Variants in CACNA1E observed in about 807,000 individuals in gnomAD.
CACNA1E encodes voltage-dependent R-type calcium channel subunit alpha-1E.
Under a neutral mutation model 259.2 loss-of-function variants are expected in CACNA1E, and 40 were observed. That is an observed-to-expected ratio of 0.15 (90% CI 0.12 to 0.20). CACNA1E has a LOEUF of 0.20. Ranked by LOEUF, CACNA1E falls within the 10% of genes least tolerant of loss-of-function variation. The pLI is 1.00. For synonymous variants in CACNA1E, 1,104 were observed against 1,138.5 expected (o/e 0.97, Z 0.61); for missense variants, 1,874 against 3,040.1 (o/e 0.62, Z 9.02).
At chr1:181,755,191 G>T in intron 27 of CACNA1E, 46 bp from the exon 28 acceptor site, 1 of 1,562,800 alleles carries the variant, frequency 6.4e-7, no homozygotes, top group South Asian at 1.2e-5. Context: ...CAAGTATGCA[G>T]ACCATCACAG....
At chr1:181,697,406 G>A (rs1299093909) in intron 7 of CACNA1E, among the ~76,000 whole-genome samples, 1 of 152,156 alleles carries the variant, frequency 6.6e-6, no homozygotes, top group Non-Finnish European at 1.5e-5. Flanking sequence ...GTATTTTGTA[G>A]TTTTGTGAAA....
At chr1:181,702,340 A>G (rs1652351840) in intron 7 of CACNA1E, among the ~76,000 whole-genome samples, 1 of 152,052 alleles carries the variant, frequency 6.6e-6, no homozygotes, top group Non-Finnish European at 1.5e-5. Flanking sequence ...CTCATGAGCT[A>G]TACTTTACCA....
At chr1:181,555,640 A>G (rs536245450) in intron 3 of CACNA1E, among the ~76,000 whole-genome samples, 4 of 152,320 alleles carry the variant, frequency 2.6e-5, no homozygotes, top group South Asian at 4.1e-4. Context: ...TTAGGACTTA[A>G]TGGTGCATAA....
chr1:181,522,153 A>G (rs1435769610), intron 3 of CACNA1E, among the ~76,000 whole-genome samples: 15 of 152,210 alleles, frequency 9.9e-5, no homozygotes, highest in Admixed American at 8.5e-4. Flanking sequence ...TAAAGTCCTC[A>G]GTGTCCCTTT....
At chr1:181,492,784 T>C (rs548996369) in intron 1 of CACNA1E, among the ~76,000 whole-genome samples, 33 of 152,192 alleles carry the variant, frequency 2.2e-4, no homozygotes, top group Non-Finnish European at 4.6e-4. Context: ...CTTTTATGCC[T>C]TGGGCTTATT....
rs777958967 is a variant in CACNA1E, at chr1:181,798,570, C to T, written c.6678C>T (p.Arg2226=). The change falls in exon 48 of 48, where the codon CGC becomes CGT. Residue 2226 remains arginine, a synonymous_variant. Transcript: ENST00000367573. This position sits in a 1 kb window ranked among gnomAD's most constrained non-coding sequence, Gnocchi z 4.2. Reference sequence around the variant, plus strand: ...AGAGCCAACATGCCTCCCCACAGCGCTACATCTCCGAGCCCTACTTGGCCC... The same window carrying T: ...AGAGCCAACATGCCTCCCCACAGCGTTACATCTCCGAGCCCTACTTGGCCC... ...PQQSQHASPQ[R]YISEPYLALH... 6.2e-7 allele frequency: 1 copy of T among 1,613,678 alleles called. No homozygotes were observed. The highest frequency in any genetic ancestry group is 8.5e-7 in the Non-Finnish European group (1 of 1,179,900).
rs185690401 is a variant in CACNA1E at position 181,780,567 on chromosome 1, G to A, written c.5268-860G>A. 1.2e-4 allele frequency among the ~76,000 whole-genome samples: 18 copies of A among 152,316 alleles called. No individual in the cohort carries two copies. In the East Asian group the frequency reaches 1.7e-3, roughly 15 times the overall value. On this transcript the variant is annotated intron_variant, in intron 38 of 47. Coordinates refer to ENST00000367573, the MANE Select transcript of CACNA1E (RefSeq NM_001205293.3). Reference sequence around the variant, plus strand: ...TAGAGCTGGCCTGGGATGGTGACACGGTGATTCCATACTCAGGAGGCTGGA... The same window carrying A: ...TAGAGCTGGCCTGGGATGGTGACACAGTGATTCCATACTCAGGAGGCTGGA...
rs1041995697 is a variant in CACNA1E at position 181,802,026 on chromosome 1, C to T, written c.*3192C>T. 2 of 152,214 alleles carry T rather than the reference C, an allele frequency of 1.3e-5. No homozygotes were observed. Among genetic ancestry groups the T allele is most frequent in the Non-Finnish European group, 2.9e-5 (2 of 68,054 alleles). The allele number at this position is 152,214 out of a possible 1,614,324, so 9.4% of individuals were successfully genotyped here. On this transcript the variant is annotated 3_prime_UTR_variant, in exon 48 of 48. Coordinates refer to ENST00000367573, the MANE Select transcript of CACNA1E (RefSeq NM_001205293.3). ...TCCAGGTAGGGAATGCATGCTGTCT[C>T]TTTCTCTGTGTCTGTCTCCCCATCT...
intron 3 of CACNA1E, among the ~76,000 whole-genome samples, chr1:181,541,934 G>C: frequency 6.6e-6 from 1 of 152,166 alleles, no homozygotes; most frequent in East Asian, 1.9e-4. Flanking sequence ...AAGAGAACAC[G>C]GCAGAAGTGA....
intron 3 of CACNA1E, among the ~76,000 whole-genome samples, chr1:181,521,361 C>G (rs932281745): frequency 2.6e-5 from 4 of 152,232 alleles, no homozygotes; most frequent in Non-Finnish European, 5.9e-5. Context: ...TGAAATGGAA[C>G]TGAAACTGAC....
rs571844658 is a variant in CACNA1E at position 181,671,432 on chromosome 1, C to T, written c.1055+19991C>T. ...AACTTTATTTTTCTCATGGCTGAGACAGAAAACAAGCAAGCAAATAACACA... is the reference window on the plus strand; with the variant it reads ...AACTTTATTTTTCTCATGGCTGAGATAGAAAACAAGCAAGCAAATAACACA... On this transcript the variant is annotated intron_variant, in intron 7 of 47. Coordinates refer to ENST00000367573, the MANE Select transcript of CACNA1E (RefSeq NM_001205293.3). Among the ~76,000 whole-genome samples the T allele has an allele frequency of 2.6e-5, 4 of 152,298 alleles. No individual in the cohort carries two copies. The East Asian group carries it at 5.8e-4, about 22-fold the overall frequency.
chr1:181,370,919 C>T (rs1434160552), intron 1 of CACNA1E, among the ~76,000 whole-genome samples: 1 of 152,218 alleles, frequency 6.6e-6, no homozygotes, highest in Non-Finnish European at 1.5e-5. Context: ...CTTTTCTCCA[C>T]AGCCTCGACA....
chr1:181,762,696 C>CTG (rs1449246405), intron 33 of CACNA1E, 39 bp downstream of exon 33: 1 of 1,269,660 alleles, frequency 7.9e-7, no homozygotes, highest in African/African-American at 1.5e-5. Flanking sequence ...AAGCTTGGCC[C>CTG]TGGAGTAGCA....
At chr1:181,480,967 A>T (rs756014460), upstream of CACNA1E, among the ~76,000 whole-genome samples, 25 of 152,328 alleles carry the variant, frequency 1.6e-4, no homozygotes, top group Non-Finnish European at 2.9e-4. Context: ...GAAAGGAGCG[A>T]CATACACTTA....
At chr1:181,458,135 T>C (rs1018818903) in intron 2 of CACNA1E, among the ~76,000 whole-genome samples, 4 of 152,248 alleles carry the variant, frequency 2.6e-5, no homozygotes, top group African/African-American at 9.6e-5. Flanking sequence ...TTTTATGCTG[T>C]GTGTCATGAT....
chr1:181,798,387 G>A lies in CACNA1E; in HGVS notation c.6495G>A (p.Lys2165=). The A allele has an allele frequency of 6.2e-7, 1 of 1,613,228 alleles. No homozygotes were observed. The highest frequency in any genetic ancestry group is 8.5e-7 in the Non-Finnish European group (1 of 1,179,854). Residue 2165 remains lysine (K), a synonymous_variant, in exon 48 of 48, where the codon AAG becomes AAA. Coordinates refer to ENST00000367573, the MANE Select transcript of CACNA1E (RefSeq NM_001205293.3). This position sits in a 1 kb window ranked among gnomAD's most constrained non-coding sequence, Gnocchi z 4.2. ...SRRQLPPVPP[K]PRPLLSYSSL... is the part of the protein sequence containing the mutation. Reference sequence around the variant, plus strand: ...GGCAGCTCCCACCCGTCCCGCCAAAGCCCCGGCCCCTCCTTTCCTACAGCT... The same window carrying A: ...GGCAGCTCCCACCCGTCCCGCCAAAACCCCGGCCCCTCCTTTCCTACAGCT...
intron 7 of CACNA1E, among the ~76,000 whole-genome samples, chr1:181,668,151 CTT>C (rs1313795205): frequency 6.6e-6 from 1 of 152,156 alleles, no homozygotes; most frequent in Non-Finnish European, 1.5e-5. Context: ...TTGTGCTACC[CTT>C]TATAGCCACA....
chr1:181,515,346 G>T (rs2102645241), intron 3 of CACNA1E, among the ~76,000 whole-genome samples: 1 of 152,318 alleles, frequency 6.6e-6, no homozygotes, highest in Middle Eastern at 3.4e-3. Flanking sequence ...AGCATAGCAT[G>T]GTTTGATGTG....
At chr1:181,430,210 G>A (rs73048046) in intron 2 of CACNA1E, among the ~76,000 whole-genome samples, 5,165 of 152,226 alleles carry the variant, frequency 0.034, 318 homozygotes, top group African/African-American at 0.12. Flanking sequence ...GCAGTCTCTC[G>A]TTGTAAGGCA....
Sources: allele counts gnomAD v4.1 joint callset (sites outside exome capture counted in the v4.1 genomes callset), GRCh38; gene constraint gnomAD v4.1.1; non-coding constraint Gnocchi (gnomAD v3.1); transcripts MANE v1.5; gene names NCBI Gene and HGNC (gene_info 2026-07-23, HGNC 2026-07-21).